CTNNA2: variants seen among roughly 807,000 people sequenced by gnomAD.
The protein encoded by CTNNA2 is catenin alpha-2.
In CTNNA2, 42 loss-of-function variants were observed where a neutral mutation model predicts 101.0. The ratio of observed to expected loss-of-function variants is 0.42; its 90% CI spans 0.32 to 0.54. CTNNA2 has a LOEUF of 0.54. Ranked by LOEUF, CTNNA2 falls within the 20% of genes least tolerant of loss-of-function variation. The pLI is 0.14. For synonymous variants in CTNNA2, 450 were observed against 456.4 expected, an observed-to-expected ratio of 0.99 and a Z score of 0.18; for missense variants, 871 against 1,223.1, an observed-to-expected ratio of 0.71 and a Z score of 4.29.
At chr2:80,562,189 C>T (rs1014531304) in intron 12 of CTNNA2, among the ~76,000 whole-genome samples, 2 of 139,376 alleles carry the variant, frequency 1.4e-5, no homozygotes, top group African/African-American at 5.0e-5. Context: ...CAGGGTTGAC[C>T]ATGCAGAAAC....
chr2:80,196,483 T>C (rs894569755), intron 7 of CTNNA2, among the ~76,000 whole-genome samples: 4 of 152,214 alleles, frequency 2.6e-5, no homozygotes, highest in African/African-American at 7.2e-5. Flanking sequence ...TTTAATCTCT[T>C]GGCACTGCAC....
intron 2 of CTNNA2, among the ~76,000 whole-genome samples, chr2:79,699,745 G>A (rs556433225): frequency 2.7e-5 from 4 of 145,914 alleles, no homozygotes; most frequent in South Asian, 2.2e-4. Context: ...GCTAAAAGCC[G>A]GGAAATATTT....
chr2:80,438,021 C>G (rs540101672), intron 9 of CTNNA2, among the ~76,000 whole-genome samples: 18 of 152,220 alleles, frequency 1.2e-4, no homozygotes, highest in African/African-American at 3.9e-4. Context: ...AACAAACAAA[C>G]AAACAAACAA....
chr2:80,516,713 T>C (rs1689141567), intron 9 of CTNNA2, among the ~76,000 whole-genome samples: 1 of 152,220 alleles, frequency 6.6e-6, no homozygotes, highest in African/African-American at 2.4e-5. Context: ...TGATCATCTA[T>C]GTTTAGTTCT....
chr2:79,403,338 C>T (rs1678309077), intron 4 of CTNNA2, among the ~76,000 whole-genome samples: 1 of 151,802 alleles, frequency 6.6e-6, no homozygotes, highest in East Asian at 1.9e-4. Flanking sequence ...AAGAGTATCA[C>T]CTAGAACTAA....
intron 4 of CTNNA2, among the ~76,000 whole-genome samples, chr2:79,479,447 T>C (rs1671084788): frequency 6.6e-6 from 1 of 152,246 alleles, no homozygotes; most frequent in African/African-American, 2.4e-5. Flanking sequence ...TTTCAGAATG[T>C]TATATCTATT....
At chr2:79,280,950 T>C (rs1452425677) in intron 2 of CTNNA2, among the ~76,000 whole-genome samples, 1 of 152,096 alleles carries the variant, frequency 6.6e-6, no homozygotes, top group African/African-American at 2.4e-5. Context: ...GTTTGCACTC[T>C]ACATCTCCCC....
At chr2:80,361,831 A>G (rs958240475) in intron 7 of CTNNA2, among the ~76,000 whole-genome samples, 3 of 152,166 alleles carry the variant, frequency 2.0e-5, no homozygotes. Context: ...TTGTTGTATA[A>G]GTACTAAACA....
At chr2:80,283,094 A>C (rs1280313654) in intron 7 of CTNNA2, among the ~76,000 whole-genome samples, 3 of 152,146 alleles carry the variant, frequency 2.0e-5, no homozygotes, top group Admixed American at 2.0e-4. Context: ...TAAATCAATA[A>C]AATTTAGGAT....
intron 7 of CTNNA2, among the ~76,000 whole-genome samples, chr2:79,977,437 A>G (rs1442552973): frequency 6.6e-6 from 1 of 152,156 alleles, no homozygotes; most frequent in Non-Finnish European, 1.5e-5. Context: ...TGTAGTGTAC[A>G]GGACAGCCCC....
At chr2:79,817,654 G>T (rs1212626982) in intron 3 of CTNNA2, among the ~76,000 whole-genome samples, 1 of 152,102 alleles carries the variant, frequency 6.6e-6, no homozygotes, top group African/African-American at 2.4e-5. Context: ...ATGTTCAATG[G>T]GGTCTTGCGC....
At chr2:79,411,625 A>T (rs1378517298) in intron 4 of CTNNA2, among the ~76,000 whole-genome samples, 1 of 152,112 alleles carries the variant, frequency 6.6e-6, no homozygotes, top group African/African-American at 2.4e-5. Flanking sequence ...TCAACCCAGA[A>T]TTTCACATCC....
chr2:79,632,474 T>G (rs1388584795), intron 1 of CTNNA2, among the ~76,000 whole-genome samples: 4 of 152,216 alleles, frequency 2.6e-5, no homozygotes, highest in African/African-American at 9.6e-5. Flanking sequence ...AATAATGTTT[T>G]TATAGTGCGA....
At position 79,646,571 on chromosome 2, in the gene CTNNA2, C is replaced by T. The variant is rs533242002; in HGVS notation, c.-5-4981C>T. ...TGAGAAAGGATCTCATTCTGTTGCT[C>T]AGGCTGGAGTGCAGTGGCACAATCA... On this transcript the variant is annotated intron_variant, in intron 1 of 18. Transcript: ENST00000402739. 3.9e-5 allele frequency among the ~76,000 whole-genome samples: 5 copies of T among 128,382 alleles called. No homozygotes were observed. In the East Asian group the frequency reaches 1.2e-3, roughly 31 times the overall value. 84.2% of individuals were successfully genotyped at this position (128,382 alleles called of 152,430 possible).
intron 7 of CTNNA2, among the ~76,000 whole-genome samples, chr2:80,223,955 G>C (rs897791619): frequency 6.6e-6 from 1 of 152,144 alleles, no homozygotes; most frequent in Non-Finnish European, 1.5e-5. Context: ...CATATAAGGA[G>C]TTAAGAAGAA....
chr2:79,936,323 AG>A (rs1395903519), intron 7 of CTNNA2, among the ~76,000 whole-genome samples: 1 of 151,814 alleles, frequency 6.6e-6, no homozygotes, highest in Non-Finnish European at 1.5e-5. Context: ...AAAGGTACAA[AG>A]TTTATCTACA....
At chr2:80,013,907 C>G (rs1168009752) in intron 7 of CTNNA2, among the ~76,000 whole-genome samples, 2 of 152,156 alleles carry the variant, frequency 1.3e-5, no homozygotes, top group African/African-American at 4.8e-5. Flanking sequence ...TCACAGCCTA[C>G]CAGGTCTAGG....
At chr2:80,003,804 CCTGGCTT>C (rs1234975981) in intron 7 of CTNNA2, among the ~76,000 whole-genome samples, 1 of 152,122 alleles carries the variant, frequency 6.6e-6, no homozygotes, top group Non-Finnish European at 1.5e-5. Flanking sequence ...TAATATTGAT[CCTGGCTT>C]CTGGGGATCA....
chr2:80,387,073 G>A (rs1677075897), intron 7 of CTNNA2, among the ~76,000 whole-genome samples: 1 of 152,088 alleles, frequency 6.6e-6, no homozygotes, highest in African/African-American at 2.4e-5. Context: ...TGGATCACGA[G>A]GTCAGGAGAT....
Sources: gnomAD v4.1 joint callset for allele counts (sites outside exome capture counted in the v4.1 genomes callset) on GRCh38, gnomAD v4.1.1 for gene constraint, MANE v1.5 for transcripts, NCBI Gene and HGNC (gene_info 2026-07-23, HGNC 2026-07-21) for gene names.